The following FAM117B variants were observed in gnomAD, a reference collection of about 807,000 sequenced individuals.
FAM117B encodes the protein protein FAM117B.
A neutral mutation model predicts 52.8 loss-of-function variants in FAM117B; 22 were observed. The observed-to-expected ratio is 0.42, with a 90% CI of 0.30 to 0.59. The LOEUF (loss-of-function observed/expected upper bound fraction) is 0.59. Ranked by LOEUF, FAM117B falls within the 20% of genes least tolerant of loss-of-function variation. FAM117B has a pLI of 0.22. For missense variants in FAM117B, 678 were observed against 802.6 expected (o/e 0.84, Z 1.88); for synonymous variants, 309 against 324.1 (o/e 0.95, Z 0.50).
rs1559090609 is a variant in FAM117B, at chr2:202,635,427, C to CGGCGGT, written c.245_246insTGGCGG (p.Gly83_Gly84dup). On this transcript the variant is annotated inframe_insertion, in exon 1 of 8. Coordinates refer to ENST00000392238, the MANE Select transcript of FAM117B (RefSeq NM_173511.4). ...GCGCCTCAGGCCCCGCAGGCGGCGG[C>CGGCGGT]GGCGGCGGTGGCCCGCGCACCGCCT... 2 of 1,235,188 alleles carry CGGCGGT rather than the reference C, an allele frequency of 1.6e-6. No individual in the cohort carries two copies. The highest frequency in any genetic ancestry group is 3.2e-5 in the African/African-American group (2 of 62,772). 76.5% of individuals were successfully genotyped at this position (1,235,188 alleles called of 1,614,324 possible).
chr2:202,640,322 A>G lies in FAM117B; in HGVS notation c.601+4534A>G, dbSNP rs1049481191. 1.1e-4 allele frequency among the ~76,000 whole-genome samples: 13 copies of G among 116,254 alleles called. 1 individual carries two copies. In the East Asian group the frequency reaches 2.1e-3, roughly 18 times the overall value. 76.3% of individuals were successfully genotyped at this position (116,254 alleles called of 152,430 possible). ...TATATATATATATATATATATATAT[A>G]TATATATATATATATATATATGGCA... On this transcript the variant is annotated intron_variant, in intron 1 of 7. Coordinates refer to ENST00000392238, the MANE Select transcript of FAM117B (RefSeq NM_173511.4).
At chr2:202,725,120 T>A (rs1445679199) in intron 3 of FAM117B, 111 bp downstream of exon 3, 4 of 719,702 alleles carry the variant, frequency 5.6e-6, no homozygotes, top group Non-Finnish European at 8.9e-6. Context: ...ATTTCTTTTT[T>A]CTTTTTGGCT....
chr2:202,727,009 T>G (rs187277200), intron 4 of FAM117B, among the ~76,000 whole-genome samples: 2 of 152,196 alleles, frequency 1.3e-5, no homozygotes, highest in African/African-American at 4.8e-5. Flanking sequence ...TCTGCTTTGA[T>G]TTTTTAGTAG....
rs544958700 is a variant in FAM117B, at chr2:202,689,789, G to T, written c.602-6092G>T. ...AACAGTTAACTGGGTGTAGTGGTGC[G>T]TGCCTGTGGTCTCAGCTGCTATGGA... On this transcript the variant is annotated intron_variant, in intron 1 of 7. Coordinates refer to ENST00000392238, the MANE Select transcript of FAM117B (RefSeq NM_173511.4). 2.0e-5 allele frequency among the ~76,000 whole-genome samples: 3 copies of T among 151,928 alleles called. No individual in the cohort carries two copies. In the South Asian group the frequency reaches 6.3e-4, roughly 32 times the overall value.
At position 202,655,003 on chromosome 2, in the gene FAM117B, C is replaced by T. The variant is rs531843521; in HGVS notation, c.601+19215C>T. Reference sequence around the variant, plus strand: ...ACAGAAAAAGAAAAAGAAATGTCCCCAGGATTAAGATTATTTGTTAAGTTT... The same window carrying T: ...ACAGAAAAAGAAAAAGAAATGTCCCTAGGATTAAGATTATTTGTTAAGTTT... On this transcript the variant is annotated intron_variant, in intron 1 of 7. Transcript: ENST00000392238. Among the ~76,000 whole-genome samples, 24 of 152,044 alleles carry T rather than the reference C, an allele frequency of 1.6e-4. No individual in the cohort carries two copies. In the South Asian group the frequency reaches 4.8e-3, roughly 30 times the overall value.
chr2:202,645,861 C>T (rs1428922412), intron 1 of FAM117B, among the ~76,000 whole-genome samples: 3 of 151,922 alleles, frequency 2.0e-5, no homozygotes, highest in Non-Finnish European at 2.9e-5. Flanking sequence ...CCGCCTTGGC[C>T]TCCCAAATGC....
chr2:202,638,996 T>C (rs982488682), intron 1 of FAM117B, among the ~76,000 whole-genome samples: 9 of 152,218 alleles, frequency 5.9e-5, no homozygotes, highest in Non-Finnish European at 1.0e-4. Flanking sequence ...ATGAAATCAT[T>C]TGCTGTTTTT....
At chr2:202,720,733 G>A (rs898471148) in intron 2 of FAM117B, among the ~76,000 whole-genome samples, 6 of 151,608 alleles carry the variant, frequency 4.0e-5, no homozygotes, top group South Asian at 2.1e-4. Context: ...GGTCATTCTC[G>A]CACTTTTTTC....
chr2:202,713,922 G>T (rs376355876), intron 2 of FAM117B, among the ~76,000 whole-genome samples: 5 of 152,278 alleles, frequency 3.3e-5, no homozygotes, highest in African/African-American at 7.2e-5. Flanking sequence ...GGCCAGGTTG[G>T]TCTCAAACTC....
intron 1 of FAM117B, among the ~76,000 whole-genome samples, chr2:202,672,662 A>T (rs532198884): frequency 2.6e-5 from 4 of 152,322 alleles, no homozygotes; most frequent in African/African-American, 9.6e-5. Context: ...GAATTTTCTT[A>T]ATTTCCTTTT....
At chr2:202,683,949 C>G (rs1014711285) in intron 1 of FAM117B, among the ~76,000 whole-genome samples, 1 of 152,032 alleles carries the variant, frequency 6.6e-6, no homozygotes, top group African/African-American at 2.4e-5. Flanking sequence ...TCACTGCATC[C>G]TTGACCTCCT....
intron 1 of FAM117B, among the ~76,000 whole-genome samples, chr2:202,689,763 C>T (rs930184528): frequency 6.6e-6 from 1 of 151,950 alleles, no homozygotes; most frequent in Non-Finnish European, 1.5e-5. Context: ...ACAAAAAATA[C>T]AACAGTTAAC....
intron 7 of FAM117B, 151 bp from the exon 8 acceptor site, chr2:202,765,295 G>A: frequency 8.2e-6 from 6 of 733,638 alleles, no homozygotes; most frequent in South Asian, 3.9e-5. Context: ...ATGTTTGAAG[G>A]TGGGGGACAG....
chr2:202,742,882 A>G (rs1017154649), intron 4 of FAM117B, among the ~76,000 whole-genome samples: 1 of 152,168 alleles, frequency 6.6e-6, no homozygotes, highest in African/African-American at 2.4e-5. Flanking sequence ...CAGCCCCCAC[A>G]AGCACCTCTT....
chr2:202,744,659 G>C (rs559736326), intron 4 of FAM117B, among the ~76,000 whole-genome samples: 1 of 152,116 alleles, frequency 6.6e-6, no homozygotes, highest in South Asian at 2.1e-4. Flanking sequence ...ATTTTACCCA[G>C]GAATAATATC....
chr2:202,644,469 T>C (rs531005539), intron 1 of FAM117B, among the ~76,000 whole-genome samples: 6 of 152,214 alleles, frequency 3.9e-5, no homozygotes, highest in Non-Finnish European at 8.8e-5. Flanking sequence ...CTCATCCTCA[T>C]ATTCCAAATT....
At chr2:202,681,934 T>C (rs1484400162) in intron 1 of FAM117B, among the ~76,000 whole-genome samples, 3 of 152,214 alleles carry the variant, frequency 2.0e-5, no homozygotes, top group Non-Finnish European at 4.4e-5. Flanking sequence ...CGCCCCTCAT[T>C]CTGTGCCCAT....
intron 1 of FAM117B, among the ~76,000 whole-genome samples, chr2:202,665,036 A>G (rs1230105429): frequency 6.6e-6 from 1 of 152,104 alleles, no homozygotes; most frequent in Non-Finnish European, 1.5e-5. Flanking sequence ...GGTGCTTCCA[A>G]ACTCATTCAT....
chr2:202,736,126 A>G (rs896615678), intron 4 of FAM117B, among the ~76,000 whole-genome samples: 3 of 152,248 alleles, frequency 2.0e-5, no homozygotes, highest in African/African-American at 7.2e-5. Flanking sequence ...TGGAAGGTGC[A>G]TTGTAATTTG....
Sources: gnomAD v4.1 joint callset for allele counts (sites outside exome capture counted in the v4.1 genomes callset) on GRCh38, gnomAD v4.1.1 for gene constraint, MANE v1.5 for transcripts, NCBI Gene and HGNC (gene_info 2026-07-23, HGNC 2026-07-21) for gene names.